Variants in TMEM165 observed in about 807,000 individuals in gnomAD.
TMEM165 encodes the protein transmembrane protein 165.
A neutral mutation model predicts 30.0 loss-of-function variants in TMEM165; 19 were observed. The ratio of observed to expected loss-of-function variants is 0.63; its 90% confidence interval spans 0.44 to 0.93. The LOEUF is 0.93. Ranked by LOEUF, TMEM165 falls within the 40% of genes least tolerant of loss-of-function variation. The pLI, the probability that TMEM165 is intolerant of heterozygous loss-of-function variation, is 0.00. For missense variants in TMEM165, 340 were observed against 417.0 expected (o/e 0.82, Z 1.61); for synonymous variants, 168 against 162.9 (o/e 1.03, Z -0.24).
At chr4:55,400,574 A>T (rs1439142802) in intron 1 of TMEM165, among the ~76,000 whole-genome samples, 1 of 148,394 alleles carries the variant, frequency 6.7e-6, no homozygotes, top group Non-Finnish European at 1.5e-5. Context: ...CATAGCTGGG[A>T]CTACAGGCGC....
In TMEM165 at chr4:55,438,302, G is replaced by A. The variant is rs755885416; in HGVS notation, c.408+13659G>A. Reference sequence around the variant, plus strand: ...ATTACCTGTAAAAATTGTTGCGGTGGCTGGGTCAGCTGAGCCTGAGATGGT... The same window carrying A: ...ATTACCTGTAAAAATTGTTGCGGTGACTGGGTCAGCTGAGCCTGAGATGGT... On this transcript the variant is annotated intron_variant, in intron 3 of 3. Coordinates refer to the TMEM165 transcript ENST00000608091. 9 of 1,613,984 alleles carry A rather than the reference G, an allele frequency of 5.6e-6. No individual in the cohort carries two copies. The African/African-American group carries it at 1.2e-4, about 22-fold the overall frequency.
intron 1 of TMEM165, 85 bp downstream of exon 1, chr4:55,396,481 C>G: frequency 8.4e-7 from 1 of 1,190,546 alleles, no homozygotes; most frequent in Non-Finnish European, 1.1e-6. Context: ...GCGCCGCACT[C>G]CGCCGGCCTC....
At chr4:55,403,631 A>C (rs1721140364) in intron 1 of TMEM165, among the ~76,000 whole-genome samples, 1 of 151,868 alleles carries the variant, frequency 6.6e-6, no homozygotes, top group Admixed American at 6.6e-5. Context: ...GGTGTGTTTC[A>C]GACATTATTA....
In TMEM165 at chr4:55,411,699, T is replaced by A. The variant is rs753563525; in HGVS notation, c.293T>A (p.Val98Asp). Residue 98 changes from valine (V) to aspartate (D), a missense_variant, in exon 2 of 6, where the codon GTC becomes GAC. Around this residue, in one of 2 missense-constraint regions of TMEM165, gnomAD observed 220 missense variants for 307.6 expected, o/e 0.72. Coordinates refer to ENST00000381334, the MANE Select transcript of TMEM165 (RefSeq NM_018475.5). Reference protein sequence around the residue: ...QTNLGFIHAFVAAISVIIVSE... With the variant: ...QTNLGFIHAFDAAISVIIVSE... ...AATTTGGGATTTATCCATGCATTTG[T>A]CGCTGCCATATCAGTTATTATTGTA... 3.1e-6 allele frequency: 5 copies of A among 1,614,218 alleles called. No individual in the cohort carries two copies. The highest frequency in any genetic ancestry group is 4.2e-6 in the Non-Finnish European group (5 of 1,180,034).
chr4:55,442,214 A>AT lies in TMEM165; in HGVS notation c.409-10024dup, dbSNP rs372831998. ...TTTGTATTCTATAATATTTTGTAGC[A>AT]TATTTTTGGACAAGAAAAAAAATTT... is the stretch of plus-strand genomic sequence containing the variant. On this transcript the variant is annotated intron_variant, in intron 3 of 3. Transcript: ENST00000608091. The AT allele has an allele frequency of 1.8e-5, 10 of 552,188 alleles. No homozygotes were observed. The African/African-American group carries it at 1.9e-4, about 10-fold the overall frequency. 34.2% of individuals were successfully genotyped at this position (552,188 alleles called of 1,614,324 possible). A position where few individuals can be genotyped will look rare whatever the true frequency, so the allele number is the denominator to read the frequency against.
At chr4:55,443,431 C>T (rs565929083) in intron 3 of TMEM165, among the ~76,000 whole-genome samples, 11 of 148,298 alleles carry the variant, frequency 7.4e-5, no homozygotes, top group African/African-American at 2.5e-4. Flanking sequence ...TCTAAGGTCA[C>T]GCCATTGCAC....
Position 55,425,359 on chromosome 4 carries a change from T to C in TMEM165, c.899-17T>C. The C allele has an allele frequency of 6.2e-6, 10 of 1,610,350 alleles. No homozygotes were observed. In the East Asian group the frequency reaches 8.9e-5, roughly 14 times the overall value. On this transcript the variant is annotated splice_polypyrimidine_tract_variant and intron_variant, in intron 5 of 5. Transcript: ENST00000381334. ...TAGGAATTTTACTGTATTTGACTTTTTTTCTCTCTCTTCCAGTGACAATCA... is the reference window on the plus strand; with the variant it reads ...TAGGAATTTTACTGTATTTGACTTTCTTTCTCTCTCTTCCAGTGACAATCA...
intron 3 of TMEM165, among the ~76,000 whole-genome samples, chr4:55,436,937 C>T (rs1036075186): frequency 8.4e-6 from 1 of 119,636 alleles, no homozygotes; most frequent in South Asian, 2.7e-4. Flanking sequence ...TTTTAAGGGC[C>T]TTTGTTCCTT....
rs773546485 is a variant in TMEM165 at position 55,438,243 on chromosome 4, T to C, written c.408+13600T>C. On this transcript the variant is annotated intron_variant, in intron 3 of 3. Coordinates refer to the TMEM165 transcript ENST00000608091. Reference sequence around the variant, plus strand: ...AATGCTTAATTTCATTACATGAAAGTAAATGAGTTTGAAGCAGCTTCCCCA... The same window carrying C: ...AATGCTTAATTTCATTACATGAAAGCAAATGAGTTTGAAGCAGCTTCCCCA... 1.9e-6 allele frequency: 3 copies of C among 1,610,362 alleles called. No homozygotes were observed. The East Asian group carries it at 6.7e-5, about 36-fold the overall frequency.
At chr4:55,443,753 A>G in intron 3 of TMEM165, 3 of 1,614,084 alleles carry the variant, frequency 1.9e-6, no homozygotes, top group Non-Finnish European at 2.5e-6. Context: ...TGTGTCCAGT[A>G]TTCATTCCAC....
chr4:55,428,490 GACA>G (rs924467663), downstream of TMEM165: 7 of 152,192 alleles, frequency 4.6e-5, no homozygotes, highest in African/African-American at 1.4e-4. Flanking sequence ...TTCGGCAGAA[GACA>G]ACAAATGGAA....
chr4:55,404,650 C>T (rs1267247374), intron 1 of TMEM165, among the ~76,000 whole-genome samples: 6 of 151,466 alleles, frequency 4.0e-5, no homozygotes, highest in African/African-American at 1.5e-4. Context: ...GTTGCCCAGG[C>T]TGGCCTCGAA....
intron 3 of TMEM165, chr4:55,443,854 C>T (rs1301767297): frequency 6.2e-6 from 10 of 1,613,370 alleles, no homozygotes; most frequent in Admixed American, 1.7e-5. Context: ...GAAAGTTGAA[C>T]GGAACCAAAA....
At chr4:55,400,225 AATAT>A (rs1203424222) in intron 1 of TMEM165, among the ~76,000 whole-genome samples, 2 of 42,876 alleles carry the variant, frequency 4.7e-5, no homozygotes, top group Admixed American at 4.7e-4. Context: ...ATTATATATT[AATAT>A]ATTAATGTAA....
At position 55,396,015 on chromosome 4, in the gene TMEM165, G is replaced by T; in HGVS notation, c.-175G>T. ...CGCCGAGCCGGGGCTGCGGACTTCG[G>T]CCTGCCCCTCACCTCACTCCCGCTG... On this transcript the variant is annotated 5_prime_UTR_variant, in exon 1 of 6. Coordinates refer to ENST00000381334, the MANE Select transcript of TMEM165 (RefSeq NM_018475.5). 2.3e-6 allele frequency: 1 copy of T among 440,342 alleles called. No homozygotes were observed. Among genetic ancestry groups the T allele is most frequent in the African/African-American group, 2.1e-5 (1 of 48,142 alleles). 27.3% of individuals were successfully genotyped at this position (440,342 alleles called of 1,614,324 possible).
At chr4:55,407,325 A>G (rs888155421) in intron 1 of TMEM165, among the ~76,000 whole-genome samples, 13 of 152,224 alleles carry the variant, frequency 8.5e-5, no homozygotes, top group African/African-American at 3.1e-4. Flanking sequence ...ACCATGAGCC[A>G]TGAGTATGTG....
intron 1 of TMEM165, among the ~76,000 whole-genome samples, chr4:55,410,150 A>G (rs752594168): frequency 4.0e-5 from 6 of 151,810 alleles, no homozygotes; most frequent in Non-Finnish European, 5.9e-5. Flanking sequence ...AATGTAAAAA[A>G]CCTTTTTTTG....
intron 3 of TMEM165, chr4:55,434,530 A>C (rs1484114582): frequency 6.6e-6 from 1 of 152,602 alleles, no homozygotes; most frequent in Non-Finnish European, 1.5e-5. Context: ...TAATTGAAAA[A>C]TAATGAAATG....
downstream of TMEM165, chr4:55,428,645 A>G (rs1229919613): frequency 2.0e-5 from 3 of 152,196 alleles, no homozygotes; most frequent in Non-Finnish European, 2.9e-5. Flanking sequence ...CTACTTTTTA[A>G]TTTAAAACCA....
Sources: gnomAD v4.1 joint callset for allele counts (sites outside exome capture counted in the v4.1 genomes callset) on GRCh38, gnomAD v4.1.1 for gene constraint, gnomAD v4.1.1 regional missense constraint, MANE v1.5 for transcripts, NCBI Gene and HGNC (gene_info 2026-07-23, HGNC 2026-07-21) for gene names.